Variants in LINGO2 observed in about 807,000 individuals in gnomAD.
LINGO2 encodes the protein leucine-rich repeat and immunoglobulin-like domain-containing nogo receptor-interacting protein 2.
A neutral mutation model predicts 30.6 loss-of-function variants in LINGO2; 14 were observed. The observed-to-expected ratio is 0.46, with a 90% confidence interval of 0.30 to 0.72. The LOEUF is 0.72. Among genes scored for constraint, LINGO2 ranks in the 30% least tolerant of loss-of-function variants. The probability of loss-of-function intolerance (pLI) is 0.07; values close to 1 mark genes in which losing one functional copy is unlikely to be tolerated. For synonymous variants in LINGO2, 317 were observed against 288.5 expected, an observed-to-expected ratio of 1.10 and a Z score of -1.00; for missense variants, 729 against 751.7, an observed-to-expected ratio of 0.97 and a Z score of 0.35.
chr9:28,911,887 T>TA, the LINGO2 span, among the ~76,000 whole-genome samples: 1 of 152,118 alleles, frequency 6.6e-6, no homozygotes, highest in East Asian at 1.9e-4. Context: ...TTAAAAGTCA[T>TA]ATTACATACA....
intron 4 of LINGO2, among the ~76,000 whole-genome samples, chr9:28,046,874 C>G (rs1421352034): frequency 6.6e-6 from 1 of 152,066 alleles, no homozygotes; most frequent in Non-Finnish European, 1.5e-5. Context: ...TATCTATTAA[C>G]ACAGGATTTT....
intron 4 of LINGO2, among the ~76,000 whole-genome samples, chr9:28,074,996 T>A (rs1825583142): frequency 6.6e-6 from 1 of 151,258 alleles, no homozygotes; most frequent in Admixed American, 6.6e-5. Context: ...ATAAAATATA[T>A]GAAAAATGCT....
rs938862433 is a variant in LINGO2, at chr9:28,129,911, C to G, written c.-86-117506G>C. On this transcript the variant is annotated intron_variant, in intron 4 of 5. Coordinates refer to ENST00000379992, the Ensembl canonical transcript of LINGO2. This position sits in a 1 kb window ranked among gnomAD's most constrained non-coding sequence, Gnocchi z 4.0. ...GTTCTTTTTATAGAATGAGAAATAA[C>G]TAAGATCCGTGTTTTGAGCCAGAAC... Among the ~76,000 whole-genome samples the G allele has an allele frequency of 1.3e-5, 2 of 152,150 alleles. No individual in the cohort carries two copies. Among genetic ancestry groups the G allele is most frequent in the African/African-American group, 4.8e-5 (2 of 41,418 alleles).
At chr9:28,586,838 G>A (rs1824566724) in intron 1 of LINGO2, among the ~76,000 whole-genome samples, 1 of 151,968 alleles carries the variant, frequency 6.6e-6, no homozygotes, top group South Asian at 2.1e-4. Flanking sequence ...CTCCTACTCA[G>A]AGGAGGTATT....
the LINGO2 span, among the ~76,000 whole-genome samples, chr9:28,724,717 G>A: frequency 6.6e-6 from 1 of 152,086 alleles, no homozygotes; most frequent in Non-Finnish European, 1.5e-5. Context: ...TGTTTGGGAG[G>A]GAAAAGCCCA....
intron 4 of LINGO2, among the ~76,000 whole-genome samples, chr9:28,075,494 G>A (rs556817596): frequency 1.3e-4 from 20 of 151,972 alleles, no homozygotes; most frequent in African/African-American, 4.3e-4. Flanking sequence ...GTGCCCATTA[G>A]TAACTCTACT....
At chr9:28,409,610 G>T (rs1442339858) in intron 2 of LINGO2, among the ~76,000 whole-genome samples, 1 of 140,402 alleles carries the variant, frequency 7.1e-6, no homozygotes, top group Non-Finnish European at 1.6e-5. Context: ...TGGCTTAACA[G>T]ATGTGCAGGG....
chr9:28,538,499 A>G (rs1010852113), intron 1 of LINGO2, among the ~76,000 whole-genome samples: 4 of 152,154 alleles, frequency 2.6e-5, no homozygotes, highest in African/African-American at 9.6e-5. Context: ...TTTTAAATTA[A>G]TAGAATAAAG....
chr9:28,338,864 T>C (rs1255837413), intron 3 of LINGO2, among the ~76,000 whole-genome samples: 1 of 152,038 alleles, frequency 6.6e-6, no homozygotes, highest in Admixed American at 6.6e-5. Context: ...CAGTCTAGGG[T>C]AACTTTATTA....
At chr9:29,159,281 A>T in the LINGO2 span, among the ~76,000 whole-genome samples, 2 of 152,130 alleles carry the variant, frequency 1.3e-5, no homozygotes, top group Non-Finnish European at 2.9e-5. Flanking sequence ...AAACTCTACA[A>T]TTCCTCACGG....
chr9:28,955,403 G>C, the LINGO2 span, among the ~76,000 whole-genome samples: 1 of 152,146 alleles, frequency 6.6e-6, no homozygotes, highest in African/African-American at 2.4e-5. Context: ...ATGCATGGGA[G>C]TGTCTGCTTG....
the LINGO2 span, among the ~76,000 whole-genome samples, chr9:28,998,480 C>T: frequency 1.5e-3 from 223 of 152,050 alleles, no homozygotes; most frequent in Non-Finnish European, 2.5e-3. Flanking sequence ...CCTTTTTCCC[C>T]CTCATAGAAC....
chr9:28,667,507 G>A (rs1588048051), intron 1 of LINGO2, among the ~76,000 whole-genome samples: 1 of 152,120 alleles, frequency 6.6e-6, no homozygotes, highest in Admixed American at 6.5e-5. Flanking sequence ...ATTTTGGGAT[G>A]CCATGGCAAG....
At chr9:28,649,046 A>T (rs1023422254) in intron 1 of LINGO2, among the ~76,000 whole-genome samples, 2 of 152,150 alleles carry the variant, frequency 1.3e-5, no homozygotes, top group Non-Finnish European at 2.9e-5. Flanking sequence ...AGTGTGTCCT[A>T]TTTCAACAGC....
At chr9:28,876,100 T>C in the LINGO2 span, among the ~76,000 whole-genome samples, 1 of 152,256 alleles carries the variant, frequency 6.6e-6, no homozygotes, top group Admixed American at 6.6e-5. Context: ...TATGGACTAA[T>C]ATGGCAGTAG....
intron 1 of LINGO2, among the ~76,000 whole-genome samples, chr9:28,483,025 C>A (rs912025711): frequency 6.6e-6 from 1 of 152,030 alleles, no homozygotes; most frequent in South Asian, 2.1e-4. Context: ...AAATTGCAGG[C>A]ACATTGTAAA....
chr9:28,313,726 T>G (rs919514239), intron 3 of LINGO2, among the ~76,000 whole-genome samples: 1 of 152,164 alleles, frequency 6.6e-6, no homozygotes, highest in Non-Finnish European at 1.5e-5. Context: ...CATGAAGTAA[T>G]AAATTCTTTC....
intron 4 of LINGO2, among the ~76,000 whole-genome samples, chr9:28,067,770 C>A (rs533887173): frequency 6.6e-6 from 1 of 152,114 alleles, no homozygotes; most frequent in Non-Finnish European, 1.5e-5. Context: ...ATTTTATCAA[C>A]ATTTAATAAT....
the LINGO2 span, among the ~76,000 whole-genome samples, chr9:29,198,171 C>T: frequency 6.6e-6 from 1 of 152,016 alleles, no homozygotes; most frequent in Non-Finnish European, 1.5e-5. Context: ...GTCTGTAGAA[C>T]AAGATGTTAA....
Sources: gnomAD v4.1 joint callset for allele counts (sites outside exome capture counted in the v4.1 genomes callset) on GRCh38, gnomAD v4.1.1 for gene constraint, Gnocchi (gnomAD v3.1) non-coding constraint, MANE v1.5 for transcripts, NCBI Gene and HGNC (gene_info 2026-07-23, HGNC 2026-07-21) for gene names.